The following XIAP variants were observed in gnomAD, a reference collection of about 807,000 sequenced individuals.
XIAP encodes the protein X-linked inhibitor of apoptosis, also known as E3 ubiquitin-protein ligase XIAP.
In XIAP, 3 loss-of-function variants were observed where a neutral mutation model predicts 33.1. That is an observed-to-expected ratio of 0.09 (90% CI 0.04 to 0.23). The LOEUF (loss-of-function observed/expected upper bound fraction) is 0.23. Ranked by LOEUF, XIAP falls within the 10% of genes least tolerant of loss-of-function variation. The probability of loss-of-function intolerance (pLI) is 1.00; values close to 1 mark genes in which losing one functional copy is unlikely to be tolerated. For missense variants in XIAP, 264 were observed against 363.0 expected (o/e 0.73, Z 2.22); for synonymous variants, 98 against 121.3 (o/e 0.81, Z 1.26).
intron 1 of XIAP, among the ~76,000 whole-genome samples, chrX:123,870,694 G>A (rs1269261350): frequency 1.8e-5 from 2 of 111,383 alleles, no homozygotes; most frequent in African/African-American, 3.3e-5. Flanking sequence ...AGGCTGAGGT[G>A]GTAGGATTGC....
intron 5 of XIAP, among the ~76,000 whole-genome samples, chrX:123,896,687 TCTC>T (rs79132457): frequency 0.17 from 17,780 of 106,934 alleles, 1,257 homozygotes; most frequent in South Asian, 0.38. Context: ...CTCAAGCAAT[TCTC>T]CTTCCTTAGC....
At chrX:123,865,023 T>C (rs1165105230) in intron 1 of XIAP, among the ~76,000 whole-genome samples, 1 of 105,364 alleles carries the variant, frequency 9.5e-6, no homozygotes, top group Non-Finnish European at 1.9e-5. Flanking sequence ...TTTATGTTCG[T>C]CTGTTTTTAT....
At chrX:123,884,132 A>C (rs2053330561) in intron 1 of XIAP, among the ~76,000 whole-genome samples, 1 of 112,095 alleles carries the variant, frequency 8.9e-6, no homozygotes, top group East Asian at 2.8e-4. Flanking sequence ...AAAGAGATTA[A>C]ATTTTAAGGC....
At chrX:123,870,659 C>T (rs1258694949) in intron 1 of XIAP, among the ~76,000 whole-genome samples, 1 of 111,271 alleles carries the variant, frequency 9.0e-6, no homozygotes, top group Admixed American at 9.6e-5. Context: ...TGTGCTGTCG[C>T]CTGCCTGGAG....
intron 5 of XIAP, among the ~76,000 whole-genome samples, chrX:123,896,264 G>A (rs951962045): frequency 1.8e-5 from 2 of 108,667 alleles, no homozygotes; most frequent in Non-Finnish European, 3.8e-5. Context: ...AGAAGGTTTC[G>A]CCATTGTTGC....
intron 1 of XIAP, among the ~76,000 whole-genome samples, chrX:123,863,974 A>G (rs936595732): frequency 9.0e-6 from 1 of 111,383 alleles, no homozygotes; most frequent in African/African-American, 3.3e-5. Flanking sequence ...CTGACAAAGT[A>G]ATAATATCTA....
chrX:123,879,966 T>G (rs1275767815), intron 1 of XIAP, among the ~76,000 whole-genome samples: 1 of 107,656 alleles, frequency 9.3e-6, no homozygotes, highest in Non-Finnish European at 1.9e-5. Context: ...TACAAAAAAT[T>G]AGCTGGGTGT....
intron 5 of XIAP, among the ~76,000 whole-genome samples, chrX:123,894,105 G>T (rs1569478672): frequency 8.9e-6 from 1 of 112,321 alleles, no homozygotes; most frequent in East Asian, 2.8e-4. Context: ...TACTGTCATT[G>T]TACCTTCCCC....
intron 5 of XIAP, among the ~76,000 whole-genome samples, chrX:123,897,383 C>T (rs777499953): frequency 1.6e-4 from 18 of 111,801 alleles, no homozygotes; most frequent in Non-Finnish European, 3.0e-4. Flanking sequence ...TTATATCTTA[C>T]ATTCTGGTCT....
At chrX:123,888,007 T>A (rs1337704494) in intron 2 of XIAP, among the ~76,000 whole-genome samples, 5 of 62,220 alleles carry the variant, frequency 8.0e-5, no homozygotes, top group East Asian at 5.9e-4. Flanking sequence ...TAATAATTAA[T>A]AAATAAATAA....
At chrX:123,880,507 C>G (rs376964149) in intron 1 of XIAP, among the ~76,000 whole-genome samples, 24 of 108,172 alleles carry the variant, frequency 2.2e-4, no homozygotes, top group African/African-American at 7.1e-4. Context: ...GAGTTCGAGG[C>G]AGGTGGATCA....
chrX:123,885,981 A>G lies in XIAP; in HGVS notation c.319A>G (p.Asn107Asp). 1 of 1,211,962 alleles carries G rather than the reference A, an allele frequency of 8.3e-7. No individual in the cohort carries two copies. Among genetic ancestry groups the G allele is most frequent in the Non-Finnish European group, 1.1e-6 (1 of 895,564 alleles). Residue 107 changes from asparagine (N) to aspartate (D), a missense_variant, in exon 2 of 7, where the codon AAT (asparagine) becomes GAT (aspartate). Asn to Asp is a conservative substitution (Grantham distance 23). Transcript: ENST00000371199. ...YLENSATQSTNSGIQNGQYKV... is the reference protein window; with the variant it reads ...YLENSATQSTDSGIQNGQYKV... ...TGAAAATAGTGCCACGCAGTCTACA[A>G]ATTCTGGTATCCAGAATGGTCAGTA...
intron 1 of XIAP, among the ~76,000 whole-genome samples, chrX:123,869,704 A>G (rs911729590): frequency 9.0e-6 from 1 of 111,600 alleles, no homozygotes; most frequent in African/African-American, 3.3e-5. Flanking sequence ...CCTTAGACCT[A>G]TATTGGTCAT....
intron 6 of XIAP, among the ~76,000 whole-genome samples, chrX:123,906,027 A>G (rs2053553464): frequency 8.9e-6 from 1 of 112,775 alleles, no homozygotes; most frequent in African/African-American, 3.2e-5. Flanking sequence ...AAAATAAATA[A>G]ATAGTTGTGA....
intron 1 of XIAP, among the ~76,000 whole-genome samples, chrX:123,869,945 T>G (rs757407983): frequency 9.3e-6 from 1 of 107,845 alleles, no homozygotes; most frequent in Non-Finnish European, 1.9e-5. Context: ...GACCTTACAT[T>G]AAACCAAAGA....
chrX:123,869,952 A>G (rs779141580), intron 1 of XIAP, among the ~76,000 whole-genome samples: 2 of 105,388 alleles, frequency 1.9e-5, no homozygotes, highest in African/African-American at 6.5e-5. Flanking sequence ...CATTAAACCA[A>G]AGAGGATTGA....
chrX:123,873,486 C>T (rs765761787), intron 1 of XIAP, among the ~76,000 whole-genome samples: 10 of 108,570 alleles, frequency 9.2e-5, no homozygotes, highest in Non-Finnish European at 1.9e-5. Flanking sequence ...CTCTCTCTCT[C>T]TTTTTTGAAA....
intron 1 of XIAP, among the ~76,000 whole-genome samples, chrX:123,869,493 C>T (rs1172431791): frequency 9.3e-6 from 1 of 107,521 alleles, no homozygotes; most frequent in African/African-American, 3.4e-5. Context: ...CACTGTACTC[C>T]AGCCTGGATG....
At chrX:123,881,754 C>A (rs1453155110) in intron 1 of XIAP, among the ~76,000 whole-genome samples, 1 of 90,686 alleles carries the variant, frequency 1.1e-5, no homozygotes, top group African/African-American at 4.2e-5. Flanking sequence ...TTTTATACTT[C>A]TATTTTTTTT....
Sources: allele counts gnomAD v4.1 joint callset (sites outside exome capture counted in the v4.1 genomes callset), GRCh38; gene constraint gnomAD v4.1.1; transcripts MANE v1.5; gene names NCBI Gene and HGNC (gene_info 2026-07-23, HGNC 2026-07-21).